WWOX: variants seen among roughly 807,000 people sequenced by gnomAD.
WWOX encodes the protein WW domain-containing oxidoreductase.
WWOX carries 69 observed loss-of-function variants against 46.2 expected under a neutral mutation model. The observed-to-expected ratio is 1.49, with a 90% confidence interval of 1.23 to 1.82. The LOEUF (loss-of-function observed/expected upper bound fraction) is 1.82, where lower values mean the gene tolerates loss of function less well. Ranked by LOEUF, WWOX falls within the 40% of genes most tolerant of loss-of-function variation. The probability of loss-of-function intolerance (pLI) is 0.00; values close to 1 mark genes in which losing one functional copy is unlikely to be tolerated. For synonymous variants in WWOX, 359 were observed against 202.6 expected (o/e 1.77, Z -6.56); for missense variants, 919 against 542.6 (o/e 1.69, Z -6.89).
intron 8 of WWOX, among the ~76,000 whole-genome samples, chr16:78,582,648 C>A (rs918017920): frequency 2.0e-5 from 3 of 152,156 alleles, no homozygotes; most frequent in Admixed American, 6.5e-5. Flanking sequence ...TAGCCCGATA[C>A]CTCTATCTCC....
chr16:79,144,347 G>A (rs1309943375), intron 8 of WWOX, among the ~76,000 whole-genome samples: 1 of 152,204 alleles, frequency 6.6e-6, no homozygotes, highest in Non-Finnish European at 1.5e-5. Context: ...ACCTGCCTGA[G>A]AAGGCCAGCT....
intron 8 of WWOX, among the ~76,000 whole-genome samples, chr16:78,650,673 A>T (rs1224850367): frequency 6.6e-6 from 1 of 152,194 alleles, no homozygotes; most frequent in East Asian, 1.9e-4. Flanking sequence ...CAGATTTAAT[A>T]CTTTTAAATC....
At chr16:79,088,035 A>G (rs1447271747) in intron 8 of WWOX, among the ~76,000 whole-genome samples, 8 of 152,052 alleles carry the variant, frequency 5.3e-5, no homozygotes, top group Non-Finnish European at 1.0e-4. Flanking sequence ...GCTTCCTATG[A>G]AATTGGTGCA....
chr16:78,534,898 G>C (rs2043721423), intron 8 of WWOX, among the ~76,000 whole-genome samples: 1 of 151,940 alleles, frequency 6.6e-6, no homozygotes, highest in African/African-American at 2.4e-5. Flanking sequence ...TATTTTAGTA[G>C]AGACTGGGTT....
intron 8 of WWOX, among the ~76,000 whole-genome samples, chr16:78,493,829 C>G (rs972408819): frequency 2.0e-5 from 3 of 152,204 alleles, no homozygotes; most frequent in Non-Finnish European, 2.9e-5. Context: ...AGTCCGTGTT[C>G]TTACCCACTG....
At chr16:78,277,246 T>G (rs1327186440) in intron 5 of WWOX, among the ~76,000 whole-genome samples, 1 of 152,216 alleles carries the variant, frequency 6.6e-6, no homozygotes, top group Non-Finnish European at 1.5e-5. Flanking sequence ...AGCTCCGATT[T>G]TCTTGTTGAA....
chr16:78,436,295 A>C (rs2083334722), intron 8 of WWOX, among the ~76,000 whole-genome samples: 1 of 152,156 alleles, frequency 6.6e-6, no homozygotes, highest in African/African-American at 2.4e-5. Context: ...GGAGAGGTTT[A>C]CTGGCCAGGT....
chr16:78,483,672 GTTAC>G (rs1236855156), intron 8 of WWOX, among the ~76,000 whole-genome samples: 12 of 152,088 alleles, frequency 7.9e-5, no homozygotes, highest in Non-Finnish European at 1.6e-4. Context: ...CTTAGCTGCT[GTTAC>G]TTACTCAATA....
At chr16:78,319,139 A>G (rs1597477207) in intron 5 of WWOX, among the ~76,000 whole-genome samples, 2 of 152,016 alleles carry the variant, frequency 1.3e-5, no homozygotes, top group South Asian at 4.2e-4. Context: ...TGAGAAGGAC[A>G]CCGCCACACA....
At chr16:78,586,931 C>G (rs143478516) in intron 8 of WWOX, among the ~76,000 whole-genome samples, 2 of 152,150 alleles carry the variant, frequency 1.3e-5, no homozygotes, top group Non-Finnish European at 2.9e-5. Context: ...TCCCACTTTT[C>G]TTAACCCTAC....
At chr16:78,835,420 G>T (rs8062838) in intron 8 of WWOX, among the ~76,000 whole-genome samples, 4,650 of 152,226 alleles carry the variant, frequency 0.031, 233 homozygotes, top group African/African-American at 0.11. Context: ...ACTTTAAAGG[G>T]GAAATATTCC....
At chr16:78,993,792 T>C (rs12599933) in intron 8 of WWOX, among the ~76,000 whole-genome samples, 1 of 152,202 alleles carries the variant, frequency 6.6e-6, no homozygotes, top group Non-Finnish European at 1.5e-5. Flanking sequence ...TGGCTTTTCG[T>C]GGTGCAGCTT....
intron 8 of WWOX, among the ~76,000 whole-genome samples, chr16:78,652,026 T>TCCTAGGACTGTTTTAAAGGAAGTAC (rs2046976300): frequency 6.6e-6 from 1 of 152,102 alleles, no homozygotes; most frequent in Non-Finnish European, 1.5e-5. Context: ...TTATTGGCAT[T>TCCTAGGACTGTTTTAAAGGAAGTAC]CCTAGGACTG....
chr16:78,357,515 T>G (rs2081322192), intron 5 of WWOX, among the ~76,000 whole-genome samples: 1 of 152,196 alleles, frequency 6.6e-6, no homozygotes, highest in South Asian at 2.1e-4. Flanking sequence ...TTTGTGATGT[T>G]ATCATAACCT....
intron 8 of WWOX, among the ~76,000 whole-genome samples, chr16:78,787,815 C>T (rs554688150): frequency 1.3e-3 from 201 of 152,280 alleles, no homozygotes; most frequent in Non-Finnish European, 2.3e-3. Flanking sequence ...TTCTCCACAT[C>T]CTTGCCAACA....
chr16:78,633,363 C>T (rs1342139136), intron 8 of WWOX, among the ~76,000 whole-genome samples: 2 of 152,180 alleles, frequency 1.3e-5, no homozygotes, highest in Non-Finnish European at 2.9e-5. Flanking sequence ...GGATTTGAAC[C>T]TAGGAGCTCT....
Position 79,012,785 on chromosome 16 carries a change from G to A in WWOX, c.1057-198823G>A, listed in dbSNP as rs566844095. Among the ~76,000 whole-genome samples the A allele has an allele frequency of 8.5e-5, 13 of 152,284 alleles. No homozygotes were observed. The South Asian group carries it at 2.7e-3, about 32-fold the overall frequency. On this transcript the variant is annotated intron_variant, in intron 8 of 8. Coordinates refer to ENST00000566780, the MANE Select transcript of WWOX (RefSeq NM_016373.4). Reference sequence around the variant, plus strand: ...AGCCCCTGAAACACAGCAGGTATTCGGTGCAGCCTTCTGTTTTCTTCCAGA... The same window carrying A: ...AGCCCCTGAAACACAGCAGGTATTCAGTGCAGCCTTCTGTTTTCTTCCAGA...
chr16:78,993,231 C>A (rs1017273422), intron 8 of WWOX, among the ~76,000 whole-genome samples: 1 of 148,196 alleles, frequency 6.7e-6, no homozygotes, highest in Non-Finnish European at 1.5e-5. Flanking sequence ...TGCAGTAAGC[C>A]GAGGATAACG....
chr16:78,110,814 T>C (rs1282778271), intron 3 of WWOX, among the ~76,000 whole-genome samples: 1 of 152,156 alleles, frequency 6.6e-6, no homozygotes, highest in Non-Finnish European at 1.5e-5. Flanking sequence ...AAGTGACTTG[T>C]TAAGGATCCC....
Sources: allele counts gnomAD v4.1 joint callset (sites outside exome capture counted in the v4.1 genomes callset), GRCh38; gene constraint gnomAD v4.1.1; transcripts MANE v1.5; gene names NCBI Gene and HGNC (gene_info 2026-07-23, HGNC 2026-07-21).